CNTNAP2: variants seen among roughly 807,000 people sequenced by gnomAD.
CNTNAP2 encodes contactin associated protein 2, also known as contactin-associated protein-like 2.
A neutral mutation model predicts 155.2 loss-of-function variants in CNTNAP2; 98 were observed. The ratio of observed to expected loss-of-function variants is 0.63; its 90% confidence interval spans 0.54 to 0.75. The LOEUF is 0.75. CNTNAP2 is among the 30% of genes least tolerant of loss of function. CNTNAP2 has a pLI of 0.00. For missense variants in CNTNAP2, 1,727 were observed against 1,688.1 expected (o/e 1.02, Z -0.40); for synonymous variants, 651 against 631.2 (o/e 1.03, Z -0.47).
chr7:147,054,093 A>G (rs998103822), intron 4 of CNTNAP2, among the ~76,000 whole-genome samples: 4 of 152,140 alleles, frequency 2.6e-5, no homozygotes, highest in Admixed American at 6.6e-5. Context: ...CCTCTGGTTC[A>G]TTCTTCTTTG....
chr7:147,086,702 G>A (rs897618015), intron 4 of CNTNAP2, among the ~76,000 whole-genome samples: 2 of 152,048 alleles, frequency 1.3e-5, no homozygotes, highest in African/African-American at 2.4e-5. Flanking sequence ...CTCCCAAATC[G>A]CTGGAATTAT....
intron 1 of CNTNAP2, among the ~76,000 whole-genome samples, chr7:146,483,302 T>A (rs191322406): frequency 0.018 from 1,364 of 74,316 alleles, 85 homozygotes; most frequent in Non-Finnish European, 0.025. Flanking sequence ...TATATATATA[T>A]ATATATATAT....
intron 3 of CNTNAP2, among the ~76,000 whole-genome samples, chr7:146,864,476 G>A (rs929418067): frequency 1.3e-5 from 2 of 152,052 alleles, no homozygotes; most frequent in African/African-American, 2.4e-5. Flanking sequence ...GATGGATGCA[G>A]CACTTAATGT....
intron 12 of CNTNAP2, among the ~76,000 whole-genome samples, chr7:147,566,107 C>G (rs1403194402): frequency 7.1e-6 from 1 of 140,320 alleles, no homozygotes; most frequent in Non-Finnish European, 1.5e-5. Context: ...ATGGTGAGAC[C>G]CTATCTCTAC....
intron 8 of CNTNAP2, among the ~76,000 whole-genome samples, chr7:147,235,220 TAAACTATA>T (rs2116625478): frequency 6.6e-6 from 1 of 152,268 alleles, no homozygotes; most frequent in African/African-American, 2.4e-5. Flanking sequence ...AAACTAGTAT[TAAACTATA>T]GGCTTTCCTG....
chr7:146,645,124 A>T (rs911658583), intron 1 of CNTNAP2, among the ~76,000 whole-genome samples: 1 of 152,196 alleles, frequency 6.6e-6, no homozygotes, highest in Non-Finnish European at 1.5e-5. Flanking sequence ...GGCTTGAAGG[A>T]TGCACTGATA....
At chr7:147,544,469 C>G (rs1001089269) in intron 11 of CNTNAP2, among the ~76,000 whole-genome samples, 4 of 151,974 alleles carry the variant, frequency 2.6e-5, no homozygotes, top group African/African-American at 9.7e-5. Flanking sequence ...AGGGTACTTT[C>G]ATTTATTTCT....
chr7:147,364,819 A>G (rs939202839), intron 9 of CNTNAP2, among the ~76,000 whole-genome samples: 5 of 151,944 alleles, frequency 3.3e-5, no homozygotes, highest in African/African-American at 1.2e-4. Flanking sequence ...ACTGCACTCC[A>G]GCCTGGGCGA....
intron 1 of CNTNAP2, among the ~76,000 whole-genome samples, chr7:146,640,086 G>A (rs1344413592): frequency 6.6e-6 from 1 of 152,186 alleles, no homozygotes; most frequent in African/African-American, 2.4e-5. Context: ...TTCTAATTCT[G>A]GGGATTATCA....
intron 12 of CNTNAP2, among the ~76,000 whole-genome samples, chr7:147,604,985 G>A (rs1801033729): frequency 1.3e-5 from 2 of 152,104 alleles, no homozygotes; most frequent in Admixed American, 6.5e-5. Flanking sequence ...AGCTTTTAGA[G>A]ATGAAAATGA....
At chr7:146,709,779 G>C (rs551027375) in intron 1 of CNTNAP2, among the ~76,000 whole-genome samples, 1 of 152,096 alleles carries the variant, frequency 6.6e-6, no homozygotes, top group African/African-American at 2.4e-5. Context: ...TATGAACTCT[G>C]GGTGTGGGGT....
At chr7:147,937,014 T>C (rs185183577) in intron 14 of CNTNAP2, among the ~76,000 whole-genome samples, 9 of 151,940 alleles carry the variant, frequency 5.9e-5, no homozygotes, top group Admixed American at 5.3e-4. Flanking sequence ...TACCAGTATT[T>C]TCTCTGGTGG....
At chr7:147,447,362 C>T (rs1488125740) in intron 10 of CNTNAP2, among the ~76,000 whole-genome samples, 3 of 152,010 alleles carry the variant, frequency 2.0e-5, no homozygotes, top group East Asian at 3.9e-4. Flanking sequence ...AAAAACACAC[C>T]AAAATATTTA....
At chr7:148,088,513 AG>A (rs1252799743) in intron 15 of CNTNAP2, among the ~76,000 whole-genome samples, 1 of 151,994 alleles carries the variant, frequency 6.6e-6, no homozygotes. Flanking sequence ...AGAAATCCAA[AG>A]GATCACAAGA....
intron 8 of CNTNAP2, among the ~76,000 whole-genome samples, chr7:147,134,189 AG>A (rs1563088744): frequency 1.3e-5 from 2 of 152,020 alleles, no homozygotes; most frequent in Non-Finnish European, 2.9e-5. Context: ...TGAAAGGATA[AG>A]ATATTAACCC....
intron 3 of CNTNAP2, among the ~76,000 whole-genome samples, chr7:146,864,730 C>T (rs1320240060): frequency 1.3e-5 from 2 of 151,944 alleles, no homozygotes; most frequent in Non-Finnish European, 2.9e-5. Flanking sequence ...TGGCTCAAGC[C>T]TGTAATCTCA....
intron 13 of CNTNAP2, among the ~76,000 whole-genome samples, chr7:147,697,804 G>A (rs576942150): frequency 3.9e-5 from 6 of 152,256 alleles, no homozygotes; most frequent in Admixed American, 1.3e-4. Flanking sequence ...TAAGAAGAAC[G>A]GAAGGCTGTG....
intron 1 of CNTNAP2, among the ~76,000 whole-genome samples, chr7:146,592,569 T>C (rs1798798833): frequency 6.6e-6 from 1 of 152,186 alleles, no homozygotes; most frequent in Non-Finnish European, 1.5e-5. Flanking sequence ...TCCTCATACA[T>C]GAAAATCCTC....
intron 20 of CNTNAP2, among the ~76,000 whole-genome samples, chr7:148,236,355 C>T (rs1336250328): frequency 1.3e-5 from 2 of 152,214 alleles, no homozygotes; most frequent in African/African-American, 2.4e-5. Flanking sequence ...AGAAATCTTA[C>T]TGCCCCATTG....
Sources: gnomAD v4.1 joint callset for allele counts (sites outside exome capture counted in the v4.1 genomes callset) on GRCh38, gnomAD v4.1.1 for gene constraint, MANE v1.5 for transcripts, NCBI Gene and HGNC (gene_info 2026-07-23, HGNC 2026-07-21) for gene names.